NAV3: variants seen among roughly 807,000 people sequenced by gnomAD.
NAV3 encodes pore membrane and/or filament interacting like protein 1.
A neutral mutation model predicts 244.7 loss-of-function variants in NAV3; 87 were observed. The observed-to-expected ratio is 0.36, with a 90% CI of 0.30 to 0.42. The LOEUF is 0.42. Among genes scored for constraint, NAV3 ranks in the 20% least tolerant of loss-of-function variants. The pLI is 1.00. For synonymous variants in NAV3, 1,126 were observed against 1,042.2 expected, an observed-to-expected ratio of 1.08 and a Z score of -1.55; for missense variants, 2,663 against 2,893.3, an observed-to-expected ratio of 0.92 and a Z score of 1.83.
intron 3 of NAV3, among the ~76,000 whole-genome samples, chr12:77,953,928 A>C (rs1049348765): frequency 1.3e-5 from 2 of 152,166 alleles, no homozygotes; most frequent in African/African-American, 4.8e-5. Flanking sequence ...ATAGAAATTT[A>C]ACTTCTCACA....
intron 3 of NAV3, among the ~76,000 whole-genome samples, chr12:77,950,335 G>A (rs1010048856): frequency 2.6e-5 from 4 of 152,054 alleles, no homozygotes; most frequent in African/African-American, 9.7e-5. Flanking sequence ...CAATGTTCTG[G>A]ATTTTGGCCG....
intron 1 of NAV3, among the ~76,000 whole-genome samples, chr12:77,902,577 T>G (rs951367706): frequency 1.3e-5 from 2 of 152,156 alleles, no homozygotes; most frequent in Non-Finnish European, 2.9e-5. Context: ...CTTTGAAAAC[T>G]GGCACAAGAC....
At chr12:77,826,954 G>A (rs1009159680), upstream of NAV3, among the ~76,000 whole-genome samples, 9 of 152,168 alleles carry the variant, frequency 5.9e-5, no homozygotes, top group Admixed American at 1.3e-4. Context: ...AGGCACAGTG[G>A]TTCACGCTTG....
At chr12:77,695,428 C>T (rs562326155) in intron 2 of NAV3, among the ~76,000 whole-genome samples, 8 of 152,172 alleles carry the variant, frequency 5.3e-5, no homozygotes, top group African/African-American at 1.9e-4. Flanking sequence ...AGTGTATATT[C>T]TTGGCACCTT....
Position 77,740,794 on chromosome 12 carries a change from T to TA in NAV3, c.72+168529dup, listed in dbSNP as rs1403526573. ...GAAAAGAGAAGGCTTACTGGGGGGC[T>TA]ATGAGAAGGCAGAAGTAGAACATTT... On this transcript the variant is annotated intron_variant, in intron 2 of 8. Transcript: ENST00000550042. Among the ~76,000 whole-genome samples the TA allele has an allele frequency of 2.0e-5, 3 of 152,022 alleles. No individual in the cohort carries two copies. In the East Asian group the frequency reaches 5.8e-4, roughly 29 times the overall value.
rs181818575 is a variant in NAV3 at position 78,199,800 on chromosome 12, A to C, written c.6715+269A>C. 3.6e-3 allele frequency among the ~76,000 whole-genome samples: 543 copies of C among 152,198 alleles called. 2 individuals are homozygous for C. The highest frequency in any genetic ancestry group is 8.7e-3 in the South Asian group (42 of 4,822). On this transcript the variant is annotated intron_variant, in intron 37 of 39. Transcript: ENST00000397909. ...TATCTAAAAATCAGATAACCACTGG[A>C]AATGAATAGTATCGATTTAGGATAC...
intron 2 of NAV3, among the ~76,000 whole-genome samples, chr12:77,585,567 C>T (rs750337665): frequency 6.6e-6 from 1 of 152,138 alleles, no homozygotes; most frequent in Non-Finnish European, 1.5e-5. Context: ...ACTGTTCTAC[C>T]TCAGATTATC....
At chr12:78,050,419 G>C (rs1328306534) in intron 10 of NAV3, among the ~76,000 whole-genome samples, 1 of 152,198 alleles carries the variant, frequency 6.6e-6, no homozygotes, top group African/African-American at 2.4e-5. Flanking sequence ...CACTTGAAAT[G>C]CATCTGGGCA....
chr12:77,921,854 C>T (rs1887737770), intron 1 of NAV3, among the ~76,000 whole-genome samples: 1 of 152,094 alleles, frequency 6.6e-6, no homozygotes, highest in African/African-American at 2.4e-5. Flanking sequence ...TGACTTGCTA[C>T]TTAATGACTT....
chr12:78,142,259 G>A (rs532044499), intron 20 of NAV3, among the ~76,000 whole-genome samples: 2 of 151,992 alleles, frequency 1.3e-5, no homozygotes, highest in South Asian at 4.1e-4. Context: ...CAATATTAAA[G>A]ATTTTTTTGA....
chr12:77,714,046 T>G (rs893204068), intron 2 of NAV3, among the ~76,000 whole-genome samples: 2 of 152,106 alleles, frequency 1.3e-5, no homozygotes, highest in Non-Finnish European at 2.9e-5. Flanking sequence ...CTATATATTT[T>G]CTTAGCTTCT....
At chr12:78,118,528 G>T (rs1172267784) in intron 14 of NAV3, among the ~76,000 whole-genome samples, 1 of 152,190 alleles carries the variant, frequency 6.6e-6, no homozygotes, top group Non-Finnish European at 1.5e-5. Context: ...ATAAACTAGG[G>T]GTACTGGATG....
intron 12 of NAV3, among the ~76,000 whole-genome samples, chr12:78,092,788 C>T (rs1954030225): frequency 6.6e-6 from 1 of 152,084 alleles, no homozygotes; most frequent in East Asian, 1.9e-4. Context: ...GCGTGAGCCA[C>T]CGCGCCCGGC....
chr12:77,910,718 G>A (rs1886495179), intron 1 of NAV3, among the ~76,000 whole-genome samples: 2 of 152,060 alleles, frequency 1.3e-5, no homozygotes, highest in Admixed American at 6.6e-5. Context: ...AAACAAGTCA[G>A]CCCTTGAGGA....
chr12:77,715,134 G>C (rs1876301593), intron 2 of NAV3, among the ~76,000 whole-genome samples: 3 of 151,856 alleles, frequency 2.0e-5, no homozygotes, highest in Admixed American at 2.0e-4. Context: ...ATTTGTCTTG[G>C]TAATCCAGAA....
chr12:77,990,182 C>A (rs1021454272), intron 5 of NAV3, among the ~76,000 whole-genome samples: 2 of 115,774 alleles, frequency 1.7e-5, no homozygotes, highest in African/African-American at 7.7e-5. Flanking sequence ...AGGGAGAAGG[C>A]TTTACTCAGT....
At chr12:77,955,249 C>T (rs1891256235) in intron 3 of NAV3, among the ~76,000 whole-genome samples, 1 of 152,110 alleles carries the variant, frequency 6.6e-6, no homozygotes, top group Non-Finnish European at 1.5e-5. Context: ...TTAAAGATCC[C>T]TCAACCTACG....
At chr12:77,882,604 T>C (rs991684715) in intron 1 of NAV3, among the ~76,000 whole-genome samples, 7 of 152,128 alleles carry the variant, frequency 4.6e-5, no homozygotes, top group African/African-American at 1.7e-4. Context: ...CTAAAGACCT[T>C]CTGCACATTG....
chr12:77,621,367 A>G lies in NAV3; in HGVS notation c.72+49101A>G, dbSNP rs147473544. 3.1e-3 allele frequency among the ~76,000 whole-genome samples: 471 copies of G among 152,164 alleles called. 1 individual carries two copies. Among genetic ancestry groups the G allele is most frequent in the African/African-American group, 0.011 (460 of 41,496 alleles). ...ATCCATCAGCTCTGAGAAATGAACCACTGTGACCTCTGAGTAAAATCTGAC... is the reference window on the plus strand; with the variant it reads ...ATCCATCAGCTCTGAGAAATGAACCGCTGTGACCTCTGAGTAAAATCTGAC... On this transcript the variant is annotated intron_variant, in intron 2 of 8. Coordinates refer to the NAV3 transcript ENST00000550042.
Sources: allele counts gnomAD v4.1 joint callset (sites outside exome capture counted in the v4.1 genomes callset), GRCh38; gene constraint gnomAD v4.1.1; transcripts MANE v1.5; gene names NCBI Gene and HGNC (gene_info 2026-07-23, HGNC 2026-07-21).